MINPP1: variants seen among roughly 807,000 people sequenced by gnomAD.
MINPP1 encodes multiple inositol polyphosphate phosphatase 1.
A neutral mutation model predicts 46.1 loss-of-function variants in MINPP1; 28 were observed. The observed-to-expected ratio is 0.61, with a 90% CI of 0.45 to 0.83. MINPP1 has a LOEUF of 0.83. Among genes scored for constraint, MINPP1 ranks in the 40% least tolerant of loss-of-function variants. The pLI is 0.00. For missense variants in MINPP1, 603 were observed against 610.0 expected, an observed-to-expected ratio of 0.99 and a Z score of 0.12; for synonymous variants, 268 against 249.1, an observed-to-expected ratio of 1.08 and a Z score of -0.72.
chr10:87,506,462 C>G, intron 1 of MINPP1, among the ~76,000 whole-genome samples: 1 of 152,144 alleles, frequency 6.6e-6, no homozygotes, highest in Non-Finnish European at 1.5e-5. Flanking sequence ...AAAATCCTTA[C>G]AACCACAATC....
intron 4 of MINPP1, among the ~76,000 whole-genome samples, chr10:87,532,114 C>G (rs893889402): frequency 3.8e-4 from 58 of 152,322 alleles, no homozygotes; most frequent in African/African-American, 1.3e-3. Context: ...CCACCCCTGC[C>G]CCCCTTGGCA....
At chr10:87,515,279 C>T (rs1349138536) in intron 3 of MINPP1, among the ~76,000 whole-genome samples, 5 of 151,614 alleles carry the variant, frequency 3.3e-5, no homozygotes, top group African/African-American at 4.8e-5. Flanking sequence ...CCCAGCTACT[C>T]GGGAGGCTGA....
intron 3 of MINPP1, among the ~76,000 whole-genome samples, chr10:87,520,279 A>AT (rs947992832): frequency 1.3e-5 from 2 of 151,826 alleles, no homozygotes; most frequent in African/African-American, 4.8e-5. Flanking sequence ...GTTTCTGGGG[A>AT]TTTTTTGGCT....
At chr10:87,524,028 C>T (rs1366840006) in intron 4 of MINPP1, among the ~76,000 whole-genome samples, 1 of 152,224 alleles carries the variant, frequency 6.6e-6, no homozygotes, top group Non-Finnish European at 1.5e-5. Context: ...GTATTGGCTT[C>T]AACTTACAGT....
chr10:87,505,295 T>A lies in MINPP1; in HGVS notation c.380T>A (p.Leu127Gln). 6.2e-7 allele frequency: 1 copy of A among 1,611,012 alleles called. No homozygotes were observed. The highest frequency in any genetic ancestry group is 8.5e-7 in the Non-Finnish European group (1 of 1,177,752). ...GCTAGTAGTACCGGCAGCCGCGACCTGGGTGCAGCGCTGGCCGACTGGCCT... is the reference window on the plus strand; with the variant it reads ...GCTAGTAGTACCGGCAGCCGCGACCAGGGTGCAGCGCTGGCCGACTGGCCT... ...GGASSTGSRD[L>Q]GAALADWPLW... Residue 127 changes from leucine (L) to glutamine (Q), a missense_variant, in exon 1 of 5, where the codon CTG becomes CAG. Leu to Gln is a moderately radical substitution (Grantham distance 113). Around this residue, in one of 3 missense-constraint regions of MINPP1, gnomAD observed 239 missense variants for 189.4 expected, o/e 1.26. Coordinates refer to ENST00000371996, the MANE Select transcript of MINPP1 (RefSeq NM_004897.5). The surrounding 1 kb of genome is among the most constrained non-coding windows in gnomAD (Gnocchi z 4.4).
chr10:87,524,700 C>T (rs943267428), intron 4 of MINPP1, among the ~76,000 whole-genome samples: 8 of 151,964 alleles, frequency 5.3e-5, no homozygotes, highest in Non-Finnish European at 1.0e-4. Flanking sequence ...TATTAATTGA[C>T]GTAATTTCAG....
Position 87,552,289 on chromosome 10 carries a change from TAA to T in MINPP1, c.1276_1277del (p.Lys426AspfsTer3). On this transcript the variant is annotated frameshift_variant, in exon 5 of 5. Transcript: ENST00000371996. LOFTEE classifies it high-confidence loss of function. ...IFVLYHCENA[K>X]TPKEQFRVQM... ...TTGTGCTTTACCACTGTGAAAATGC[TAA>T]GACTCCTAAAGAACAATTCCGAGTG... The T allele has an allele frequency of 6.2e-7, 1 of 1,613,836 alleles. No homozygotes were observed. The highest frequency in any genetic ancestry group is 1.1e-5 in the South Asian group (1 of 91,074).
intron 4 of MINPP1, among the ~76,000 whole-genome samples, chr10:87,536,475 C>CAT (rs147825687): frequency 0.034 from 5,096 of 152,010 alleles, 271 homozygotes; most frequent in African/African-American, 0.11. Context: ...TCAGTTTTTA[C>CAT]ATATATATAT....
Position 87,505,138 on chromosome 10 carries a change from G to C in MINPP1, c.223G>C (p.Glu75Gln), listed in dbSNP as rs201191421. The change falls in exon 1 of 5, where the codon GAG (glutamate) becomes CAG (glutamine). Residue 75 changes from glutamate to glutamine, a missense_variant. Around this residue, in one of 3 missense-constraint regions of MINPP1, gnomAD observed 239 missense variants for 189.4 expected, o/e 1.26. Coordinates refer to ENST00000371996, the MANE Select transcript of MINPP1 (RefSeq NM_004897.5). The surrounding 1 kb of genome is among the most constrained non-coding windows in gnomAD (Gnocchi z 4.4). ...TCCGTGGCGGGACCCTGAGCTGCTG[G>C]AGGGGACCTGCACCCCGGTGCAGCT... is the stretch of plus-strand genomic sequence containing the variant. ...EAPWRDPELL[E>Q]GTCTPVQLVA... The C allele has an allele frequency of 8.2e-5, 132 of 1,611,890 alleles. No homozygotes were observed. The East Asian group carries it at 2.2e-3, about 27-fold the overall frequency.
intron 3 of MINPP1, among the ~76,000 whole-genome samples, chr10:87,519,864 C>T (rs1389291258): frequency 2.0e-5 from 3 of 152,130 alleles, no homozygotes; most frequent in Non-Finnish European, 2.9e-5. Context: ...TTCAGTTCTC[C>T]ACTTCTACAT....
chr10:87,542,276 T>C (rs2131838175), intron 4 of MINPP1, among the ~76,000 whole-genome samples: 1 of 151,978 alleles, frequency 6.6e-6, no homozygotes, highest in East Asian at 1.9e-4. Context: ...AGCAGGGCAG[T>C]TGTTAAATCT....
chr10:87,511,329 C>T (rs1231540167), intron 2 of MINPP1, among the ~76,000 whole-genome samples: 1 of 152,140 alleles, frequency 6.6e-6, no homozygotes. Flanking sequence ...TCTGTCTCTT[C>T]ATTATGGCTT....
intron 4 of MINPP1, among the ~76,000 whole-genome samples, chr10:87,548,764 A>G (rs1467523829): frequency 6.6e-6 from 1 of 152,022 alleles, no homozygotes; most frequent in Non-Finnish European, 1.5e-5. Flanking sequence ...TTTTTAAACT[A>G]TTACCCTTGT....
chr10:87,508,277 T>C (rs1361348901), intron 1 of MINPP1, 59 bp from the exon 2 acceptor site: 4 of 1,594,108 alleles, frequency 2.5e-6, no homozygotes, highest in Non-Finnish European at 3.4e-6. Flanking sequence ...TTTCAATAAT[T>C]TGAAACTGTC....
intron 3 of MINPP1, 102 bp downstream of exon 3, chr10:87,513,323 G>T: frequency 2.6e-6 from 2 of 779,408 alleles, no homozygotes; most frequent in Admixed American, 2.1e-5. Context: ...AAAATGAGTA[G>T]TTAGGGAACA....
intron 4 of MINPP1, among the ~76,000 whole-genome samples, chr10:87,535,656 G>A (rs1162790135): frequency 6.6e-6 from 1 of 152,104 alleles, no homozygotes. Flanking sequence ...GGCCTGGCGT[G>A]GTGGCTCAGA....
At chr10:87,508,135 C>T in intron 1 of MINPP1, 1 of 1,529,356 alleles carries the variant, frequency 6.5e-7, no homozygotes, top group East Asian at 2.5e-5. Context: ...TTAGCCTTTT[C>T]TAGCTATTCT....
At chr10:87,532,289 C>A (rs1219424892) in intron 4 of MINPP1, among the ~76,000 whole-genome samples, 1 of 152,204 alleles carries the variant, frequency 6.6e-6, no homozygotes, top group Non-Finnish European at 1.5e-5. Context: ...TTCAACAAAG[C>A]AGCTACTATG....
intron 3 of MINPP1, among the ~76,000 whole-genome samples, chr10:87,519,455 C>T (rs1246096993): frequency 1.6e-4 from 24 of 152,188 alleles, no homozygotes; most frequent in Admixed American, 1.6e-3. Flanking sequence ...CCGTTCAAGG[C>T]GTTCATGTAA....
Sources: gnomAD v4.1 joint callset for allele counts (sites outside exome capture counted in the v4.1 genomes callset) on GRCh38, gnomAD v4.1.1 for gene constraint, gnomAD v4.1.1 regional missense constraint, Gnocchi (gnomAD v3.1) non-coding constraint, MANE v1.5 for transcripts, NCBI Gene and HGNC (gene_info 2026-07-23, HGNC 2026-07-21) for gene names.